Variants in KIAA1217 observed in about 807,000 individuals in gnomAD.
KIAA1217 encodes the protein KIAA1217, also known as sickle tail protein homolog.
Under a neutral mutation model 163.9 loss-of-function variants are expected in KIAA1217, and 88 were observed. The observed-to-expected ratio is 0.54, with a 90% CI of 0.45 to 0.64. The LOEUF is 0.64. KIAA1217 is among the 30% of genes least tolerant of loss of function. The pLI is 0.00. For missense variants in KIAA1217, 2,372 were observed against 2,475.0 expected, an observed-to-expected ratio of 0.96 and a Z score of 0.88; for synonymous variants, 903 against 923.1, an observed-to-expected ratio of 0.98 and a Z score of 0.39.
chr10:24,119,554 G>T (rs554557066), intron 2 of KIAA1217, among the ~76,000 whole-genome samples: 46 of 152,200 alleles, frequency 3.0e-4, no homozygotes, highest in Non-Finnish European at 6.3e-4. Flanking sequence ...AGCTGTGTGT[G>T]TCTTGAAGCC....
intron 1 of KIAA1217, among the ~76,000 whole-genome samples, chr10:23,760,839 A>G (rs1017718788): frequency 6.6e-6 from 1 of 152,196 alleles, no homozygotes; most frequent in African/African-American, 2.4e-5. Context: ...GAGATGGTTT[A>G]CCAGTCAGTG....
intron 2 of KIAA1217, among the ~76,000 whole-genome samples, chr10:24,168,336 C>G (rs2065455047): frequency 6.6e-6 from 1 of 152,062 alleles, no homozygotes; most frequent in Non-Finnish European, 1.5e-5. Flanking sequence ...AACTGAGGCT[C>G]CATGAAAGTA....
At chr10:23,907,003 G>A (rs78757308) in intron 1 of KIAA1217, among the ~76,000 whole-genome samples, 5,051 of 152,168 alleles carry the variant, frequency 0.033, 128 homozygotes, top group Non-Finnish European at 0.051. Context: ...TACACTGAGG[G>A]CTTGAGGGTG....
At chr10:24,420,664 A>G (rs2058658038) in intron 3 of KIAA1217, among the ~76,000 whole-genome samples, 1 of 152,300 alleles carries the variant, frequency 6.6e-6, no homozygotes, top group East Asian at 1.9e-4. Context: ...AGCTTCTCAC[A>G]TGTATGTCTT....
intron 2 of KIAA1217, among the ~76,000 whole-genome samples, chr10:24,090,164 C>CTTTTTTTTTTTTTTTTT (rs1162687231): frequency 1.9e-4 from 21 of 109,226 alleles, no homozygotes; most frequent in East Asian, 5.2e-4. Context: ...TTTTCTTTTT[C>CTTTTTTTTTTTTTTTTT]TTTTTTTTTT....
At chr10:24,234,829 G>A (rs1167426444) in intron 2 of KIAA1217, among the ~76,000 whole-genome samples, 2 of 152,122 alleles carry the variant, frequency 1.3e-5, no homozygotes, top group African/African-American at 2.4e-5. Context: ...AGTACTGTAT[G>A]TCTATTCTTC....
chr10:24,038,179 C>A (rs1005458755), intron 2 of KIAA1217, among the ~76,000 whole-genome samples: 2 of 152,162 alleles, frequency 1.3e-5, no homozygotes, highest in Non-Finnish European at 2.9e-5. Context: ...TTGACCATGG[C>A]CCTGTGTTCA....
intron 1 of KIAA1217, among the ~76,000 whole-genome samples, chr10:23,762,694 T>C (rs1254629800): frequency 6.6e-6 from 1 of 152,212 alleles, no homozygotes; most frequent in African/African-American, 2.4e-5. Flanking sequence ...AGCATTCCCC[T>C]TGAAAACTGG....
At chr10:24,283,453 G>T (rs1197756568) in intron 2 of KIAA1217, among the ~76,000 whole-genome samples, 1 of 152,074 alleles carries the variant, frequency 6.6e-6, no homozygotes, top group Non-Finnish European at 1.5e-5. Flanking sequence ...GATCACTTGA[G>T]GTCAGGAGTT....
chr10:24,472,903 C>A (rs909347761), intron 5 of KIAA1217, among the ~76,000 whole-genome samples: 16 of 152,152 alleles, frequency 1.1e-4, no homozygotes, highest in African/African-American at 3.4e-4. Flanking sequence ...TGGCTCATGG[C>A]CCCTTCTCAT....
chr10:23,884,041 G>A (rs549437399), intron 1 of KIAA1217, among the ~76,000 whole-genome samples: 1 of 151,940 alleles, frequency 6.6e-6, no homozygotes, highest in Non-Finnish European at 1.5e-5. Flanking sequence ...CCAAGTTTTG[G>A]CAATTATAAA....
chr10:24,158,460 G>A, intron 2 of KIAA1217: 2 of 547,862 alleles, frequency 3.7e-6, no homozygotes, highest in Admixed American at 2.0e-5. Context: ...GAAATTGAAT[G>A]TATATTCATT....
chr10:24,368,963 G>A (rs1591372621), intron 2 of KIAA1217: 1 of 698,672 alleles, frequency 1.4e-6, no homozygotes, highest in African/African-American at 2.0e-5. Context: ...ATAAAAGTGA[G>A]AACCGAGGTT....
intron 1 of KIAA1217, among the ~76,000 whole-genome samples, chr10:23,719,779 G>T (rs943214612): frequency 2.0e-5 from 3 of 151,570 alleles, no homozygotes; most frequent in African/African-American, 4.8e-5. Flanking sequence ...TTAGCTGGGA[G>T]TAGTGGTGCA....
rs763058917 is a variant in KIAA1217 at position 24,527,959 on chromosome 10, A to G, written c.2922A>G (p.Glu974=). ...SIEKAEKKWE[E]KRQNLDHYNG... is the part of the protein sequence containing the mutation. The stretch of plus-strand genomic sequence containing the variant: ...AGAAAGCAGAAAAGAAATGGGAGGA[A>G]AAAAGGCAAAATCTGGATCACTATA... Residue 974 remains glutamate (E), a synonymous_variant, in exon 14 of 21, where the codon GAA becomes GAG. Transcript: ENST00000376454. 1.2e-6 allele frequency: 2 copies of G among 1,614,038 alleles called. No individual in the cohort carries two copies. The highest frequency in any genetic ancestry group is 1.1e-5 in the South Asian group (1 of 91,076).
chr10:24,211,350 A>G (rs73604457), intron 1 of KIAA1217, among the ~76,000 whole-genome samples: 8,978 of 139,702 alleles, frequency 0.064, 1,082 homozygotes, highest in African/African-American at 0.23. Context: ...ATCTCCTGGC[A>G]GGTGGGACTA....
At chr10:24,130,684 C>T (rs1045225785) in intron 2 of KIAA1217, among the ~76,000 whole-genome samples, 2 of 152,124 alleles carry the variant, frequency 1.3e-5, no homozygotes, top group South Asian at 2.1e-4. Flanking sequence ...AGAATAATGC[C>T]GATTGGAATT....
chr10:24,380,404 T>C (rs1299500084), intron 2 of KIAA1217, among the ~76,000 whole-genome samples: 1 of 151,988 alleles, frequency 6.6e-6, no homozygotes. Context: ...GGCAGGCGGA[T>C]CACCTGAGGT....
chr10:23,958,924 T>C (rs1468624988), intron 1 of KIAA1217, among the ~76,000 whole-genome samples: 4 of 150,288 alleles, frequency 2.7e-5, no homozygotes, highest in Non-Finnish European at 5.9e-5. Context: ...TAGGTGCTAG[T>C]AGAAAACTAC....
Sources: allele counts gnomAD v4.1 joint callset (sites outside exome capture counted in the v4.1 genomes callset), GRCh38; gene constraint gnomAD v4.1.1; transcripts MANE v1.5; gene names NCBI Gene and HGNC (gene_info 2026-07-23, HGNC 2026-07-21).